PIGF: variants seen among roughly 807,000 people sequenced by gnomAD.
The protein encoded by PIGF is GPI ethanolamine phosphate transferase, stabilizing subunit.
PIGF carries 23 observed loss-of-function variants against 26.0 expected under a neutral mutation model. The observed-to-expected ratio is 0.88, with a 90% CI of 0.64 to 1.25. The LOEUF (loss-of-function observed/expected upper bound fraction) is 1.25, where lower values mean the gene tolerates loss of function less well. Among genes scored for constraint, PIGF ranks in the 50% most tolerant of loss-of-function variants. PIGF has a pLI of 0.00. For synonymous variants in PIGF, 93 were observed against 92.6 expected, an observed-to-expected ratio of 1.00 and a Z score of -0.03; for missense variants, 278 against 249.9, an observed-to-expected ratio of 1.11 and a Z score of -0.76.
At chr2:46,594,124 C>G (rs1043028930) in intron 4 of PIGF, among the ~76,000 whole-genome samples, 7 of 152,122 alleles carry the variant, frequency 4.6e-5, no homozygotes, top group Non-Finnish European at 1.0e-4. Flanking sequence ...GAGATGTGTT[C>G]CAATGTTGGA....
intron 5 of PIGF, among the ~76,000 whole-genome samples, chr2:46,587,725 G>A (rs142324350): frequency 2.4e-4 from 37 of 152,232 alleles, no homozygotes; most frequent in Non-Finnish European, 4.6e-4. Flanking sequence ...GTGTGGATTT[G>A]TTAGGGACAA....
intron 2 of PIGF, chr2:46,614,163 A>C (rs1283638615): frequency 6.5e-6 from 1 of 154,950 alleles, no homozygotes; most frequent in African/African-American, 2.4e-5. Context: ...TATCTGCAGA[A>C]AATAACAATT....
intron 4 of PIGF, among the ~76,000 whole-genome samples, chr2:46,596,519 T>G (rs1457698135): frequency 6.6e-6 from 1 of 152,134 alleles, no homozygotes; most frequent in Non-Finnish European, 1.5e-5. Context: ...CAAAATAATA[T>G]ATGTGACATC....
intron 3 of PIGF, among the ~76,000 whole-genome samples, chr2:46,613,198 G>A (rs1670483593): frequency 6.6e-6 from 1 of 151,980 alleles, no homozygotes; most frequent in Non-Finnish European, 1.5e-5. Context: ...AAACATTCAT[G>A]AATTTTGTTT....
chr2:46,594,882 C>T (rs958223327), intron 4 of PIGF, among the ~76,000 whole-genome samples: 4 of 150,804 alleles, frequency 2.7e-5, no homozygotes, highest in African/African-American at 4.9e-5. Context: ...TGGAGTTTCG[C>T]TCTTGTTGCC....
At position 46,581,291 on chromosome 2, in the gene PIGF, A is replaced by G. The variant is rs1572761970; in HGVS notation, c.*187T>C. 2.0e-6 allele frequency: 2 copies of G among 990,172 alleles called. No individual in the cohort carries two copies. The highest frequency in any genetic ancestry group is 2.9e-6 in the Non-Finnish European group (2 of 681,956). 61.3% of individuals were successfully genotyped at this position (990,172 alleles called of 1,614,324 possible). On this transcript the variant is annotated 3_prime_UTR_variant, in exon 6 of 6. Coordinates refer to ENST00000281382, the MANE Select transcript of PIGF (RefSeq NM_002643.4). Reference sequence around the variant, plus strand: ...GCAGCATCTGAAGCCACAATCTATTATAAATACTTTATTTCAACTAGAAGG... The same window carrying G: ...GCAGCATCTGAAGCCACAATCTATTGTAAATACTTTATTTCAACTAGAAGG...
intron 5 of PIGF, chr2:46,591,773 C>T: frequency 2.5e-6 from 3 of 1,218,258 alleles, no homozygotes. Context: ...GTTTCCTCAT[C>T]TGTAAAATGG....
chr2:46,585,869 G>A (rs921003664), intron 5 of PIGF, among the ~76,000 whole-genome samples: 1 of 152,076 alleles, frequency 6.6e-6, no homozygotes, highest in Non-Finnish European at 1.5e-5. Flanking sequence ...CGCCTCCCAG[G>A]TTCACGCTAT....
At chr2:46,581,697 A>T (rs1669383183) in intron 5 of PIGF, 106 bp from the exon 6 acceptor site, 2 of 1,447,548 alleles carry the variant, frequency 1.4e-6, no homozygotes, top group African/African-American at 2.9e-5. Flanking sequence ...TGCTTTCTTA[A>T]AGAATGCCAA....
chr2:46,594,649 T>C (rs1669825896), intron 4 of PIGF, among the ~76,000 whole-genome samples: 1 of 151,386 alleles, frequency 6.6e-6, no homozygotes, highest in Non-Finnish European at 1.5e-5. Flanking sequence ...CATTCTTCTG[T>C]CTCAGACTCC....
At chr2:46,597,150 A>T (rs890947443) in intron 4 of PIGF, among the ~76,000 whole-genome samples, 2 of 152,140 alleles carry the variant, frequency 1.3e-5, no homozygotes, top group African/African-American at 4.8e-5. Context: ...GCATCTTGTG[A>T]ATTCCCTTTG....
chr2:46,611,798 T>C (rs534195495), intron 4 of PIGF, among the ~76,000 whole-genome samples: 2 of 152,326 alleles, frequency 1.3e-5, no homozygotes, highest in East Asian at 3.9e-4. Flanking sequence ...GAAATTATCA[T>C]TGTTACACAA....
At chr2:46,607,451 A>T (rs1670260387) in intron 4 of PIGF, among the ~76,000 whole-genome samples, 1 of 152,214 alleles carries the variant, frequency 6.6e-6, no homozygotes, top group Admixed American at 6.5e-5. Flanking sequence ...AAAGTGAGTC[A>T]TATGTATTTT....
Position 46,588,347 on chromosome 2 carries a change from T to C in PIGF, c.546+4128A>G. ...GAGACAATTAACATATTCTCTAATA[T>C]ATGAGAACTCAAATAAATCATGGAA... On this transcript the variant is annotated intron_variant, in intron 5 of 5. Transcript: ENST00000281382. The surrounding 1 kb of genome is among the most constrained non-coding windows in gnomAD (Gnocchi z 4.1). The C allele has an allele frequency of 1.2e-6, 1 of 855,280 alleles. No individual in the cohort carries two copies. The highest frequency in any genetic ancestry group is 2.8e-5 in the East Asian group (1 of 35,458). 53.0% of individuals were successfully genotyped at this position (855,280 alleles called of 1,614,324 possible). A position where few individuals can be genotyped will look rare whatever the true frequency, so the allele number is the denominator to read the frequency against.
chr2:46,616,311 C>G (rs957644113), intron 1 of PIGF: 4 of 152,256 alleles, frequency 2.6e-5, no homozygotes, highest in African/African-American at 9.7e-5. Flanking sequence ...CCCATAGATT[C>G]TATCTTAAGC....
At chr2:46,606,885 T>C (rs770153637) in intron 4 of PIGF, among the ~76,000 whole-genome samples, 17 of 152,292 alleles carry the variant, frequency 1.1e-4, no homozygotes, top group South Asian at 2.1e-4. Context: ...GTAAACAAAA[T>C]TTGATATATA....
In PIGF at chr2:46,617,027, C is replaced by T. The variant is rs1670666386; in HGVS notation, c.-79G>A. 1.0e-5 allele frequency: 6 copies of T among 586,646 alleles called. No homozygotes were observed. The South Asian group carries it at 1.2e-4, about 12-fold the overall frequency. 36.3% of individuals were successfully genotyped at this position (586,646 alleles called of 1,614,324 possible). Reference sequence around the variant, plus strand: ...AACTACTGCCTCCTACCATCAGGTACGACGGGCGGCCCAGGCCCACGCGCA... The same window carrying T: ...AACTACTGCCTCCTACCATCAGGTATGACGGGCGGCCCAGGCCCACGCGCA... On this transcript the variant is annotated 5_prime_UTR_variant, in exon 1 of 6. Transcript: ENST00000281382.
intron 3 of PIGF, among the ~76,000 whole-genome samples, chr2:46,612,815 G>A (rs529032570): frequency 2.2e-4 from 34 of 152,238 alleles, no homozygotes; most frequent in Admixed American, 7.8e-4. Context: ...ATTGGTGGGG[G>A]CTCTACCCCT....
intron 5 of PIGF, among the ~76,000 whole-genome samples, chr2:46,590,798 G>A (rs1317590478): frequency 6.6e-6 from 1 of 152,172 alleles, no homozygotes; most frequent in Non-Finnish European, 1.5e-5. Flanking sequence ...GGGAATCTGT[G>A]ACGATACACA....
Sources: allele counts gnomAD v4.1 joint callset (sites outside exome capture counted in the v4.1 genomes callset), GRCh38; gene constraint gnomAD v4.1.1; non-coding constraint Gnocchi (gnomAD v3.1); transcripts MANE v1.5; gene names NCBI Gene and HGNC (gene_info 2026-07-23, HGNC 2026-07-21).